Variants in OPCML observed in about 807,000 individuals in gnomAD.
OPCML encodes the protein opioid binding protein/cell adhesion molecule like, also known as opioid-binding protein/cell adhesion molecule.
OPCML carries 13 observed loss-of-function variants against 37.8 expected under a neutral mutation model. The observed-to-expected ratio is 0.34, with a 90% CI of 0.22 to 0.55. The LOEUF (loss-of-function observed/expected upper bound fraction) is 0.55. OPCML is among the 20% of genes least tolerant of loss of function. OPCML has a pLI of 0.91. For synonymous variants in OPCML, 176 were observed against 168.8 expected (o/e 1.04, Z -0.33); for missense variants, 341 against 435.6 (o/e 0.78, Z 1.93).
At chr11:132,945,763 C>A (rs2136685742) in intron 1 of OPCML, among the ~76,000 whole-genome samples, 1 of 149,516 alleles carries the variant, frequency 6.7e-6, no homozygotes, top group Admixed American at 6.7e-5. Flanking sequence ...TATCCTTATT[C>A]TAAGCTTTTT....
At chr11:132,635,355 A>G (rs1940421512) in intron 3 of OPCML, among the ~76,000 whole-genome samples, 1 of 152,200 alleles carries the variant, frequency 6.6e-6, no homozygotes, top group Admixed American at 6.5e-5. Context: ...TGTTCTTGAA[A>G]GAAAACAATA....
At chr11:132,967,299 G>A (rs970315401) in intron 1 of OPCML, among the ~76,000 whole-genome samples, 1 of 151,866 alleles carries the variant, frequency 6.6e-6, no homozygotes, top group South Asian at 2.1e-4. Flanking sequence ...ATAGCTTTAT[G>A]CCCTTTTCCC....
At chr11:133,347,020 A>G (rs1323434166) in intron 1 of OPCML, among the ~76,000 whole-genome samples, 1 of 152,204 alleles carries the variant, frequency 6.6e-6, no homozygotes, top group African/African-American at 2.4e-5. Flanking sequence ...TGGTGTGCAT[A>G]GTGTTTGAAA....
intron 3 of OPCML, among the ~76,000 whole-genome samples, chr11:132,638,087 A>G (rs1940620165): frequency 6.6e-6 from 1 of 151,502 alleles, no homozygotes; most frequent in Non-Finnish European, 1.5e-5. Flanking sequence ...TTTAAGAGGC[A>G]CTACGTGGAG....
intron 1 of OPCML, among the ~76,000 whole-genome samples, chr11:133,153,099 G>A (rs1950010409): frequency 6.6e-6 from 1 of 152,098 alleles, no homozygotes; most frequent in South Asian, 2.1e-4. Flanking sequence ...GAGGAGTTTC[G>A]CTTTGGCATC....
intron 1 of OPCML, among the ~76,000 whole-genome samples, chr11:132,988,369 T>C (rs1946717828): frequency 1.3e-5 from 2 of 152,210 alleles, no homozygotes; most frequent in Non-Finnish European, 2.9e-5. Flanking sequence ...ATGAATAATG[T>C]AGCCCTATAT....
chr11:132,832,259 A>C (rs1411242216), intron 2 of OPCML, among the ~76,000 whole-genome samples: 2 of 150,216 alleles, frequency 1.3e-5, no homozygotes, highest in African/African-American at 4.9e-5. Flanking sequence ...AAAAAAAAAA[A>C]TGATAGTGTA....
intron 2 of OPCML, among the ~76,000 whole-genome samples, chr11:132,811,368 G>A (rs892562403): frequency 2.6e-5 from 4 of 152,222 alleles, no homozygotes; most frequent in African/African-American, 9.6e-5. Context: ...AATCACAGGT[G>A]CAGAAGGGAG....
intron 1 of OPCML, chr11:133,300,989 C>T (rs1352039761): frequency 6.6e-6 from 1 of 152,100 alleles, no homozygotes; most frequent in Non-Finnish European, 1.5e-5. Flanking sequence ...GGACTTCTGG[C>T]CTCTGGAACT....
chr11:132,904,340 T>C (rs1944162178), intron 2 of OPCML, among the ~76,000 whole-genome samples: 1 of 152,162 alleles, frequency 6.6e-6, no homozygotes, highest in African/African-American at 2.4e-5. Flanking sequence ...CTCCAACAAA[T>C]TGTAAAATCA....
intron 3 of OPCML, among the ~76,000 whole-genome samples, chr11:132,637,544 T>C (rs1940584916): frequency 2.0e-5 from 3 of 152,210 alleles, no homozygotes. Context: ...GCCAGCTATC[T>C]TTGATGCTGA....
intron 1 of OPCML, among the ~76,000 whole-genome samples, chr11:133,355,398 G>A (rs979731984): frequency 6.6e-6 from 1 of 151,990 alleles, no homozygotes; most frequent in Non-Finnish European, 1.5e-5. Context: ...TGAGAGCACT[G>A]GGTTGAGAAT....
intron 3 of OPCML, among the ~76,000 whole-genome samples, chr11:132,603,500 A>C (rs1269990095): frequency 6.6e-6 from 1 of 152,170 alleles, no homozygotes; most frequent in African/African-American, 2.4e-5. Context: ...TCAAATCCTT[A>C]TCATCATTTG....
At chr11:133,514,558 AC>A (rs1480536185) in intron 1 of OPCML, among the ~76,000 whole-genome samples, 3 of 152,168 alleles carry the variant, frequency 2.0e-5, no homozygotes, top group African/African-American at 7.2e-5. Context: ...GTTAGAAGTA[AC>A]CTAAAGACTA....
At chr11:132,747,543 C>A (rs1945673533) in intron 2 of OPCML, among the ~76,000 whole-genome samples, 1 of 152,128 alleles carries the variant, frequency 6.6e-6, no homozygotes, top group Non-Finnish European at 1.5e-5. Flanking sequence ...CTTCCAGTAC[C>A]AGCCAACCTT....
At chr11:133,136,294 A>T (rs1359910425) in intron 1 of OPCML, among the ~76,000 whole-genome samples, 1 of 152,208 alleles carries the variant, frequency 6.6e-6, no homozygotes. Flanking sequence ...AAAGCTTTTG[A>T]CTGTGGTGTC....
intron 1 of OPCML, among the ~76,000 whole-genome samples, chr11:133,383,771 G>A (rs1944981101): frequency 1.3e-5 from 2 of 152,112 alleles, no homozygotes; most frequent in South Asian, 2.1e-4. Context: ...TTAGTGTTAA[G>A]CTATAAATAA....
chr11:132,995,405 T>C (rs1338428655), intron 1 of OPCML, among the ~76,000 whole-genome samples: 1 of 152,090 alleles, frequency 6.6e-6, no homozygotes, highest in African/African-American at 2.4e-5. Flanking sequence ...AAAGTTGGAA[T>C]TGGAATTCAA....
intron 2 of OPCML, among the ~76,000 whole-genome samples, chr11:132,762,125 G>T (rs1480321107): frequency 2.0e-5 from 3 of 152,206 alleles, no homozygotes; most frequent in Admixed American, 2.0e-4. Context: ...GTTTCCCTGG[G>T]TATCATCAGC....
Sources: gnomAD v4.1 joint callset for allele counts (sites outside exome capture counted in the v4.1 genomes callset) on GRCh38, gnomAD v4.1.1 for gene constraint, MANE v1.5 for transcripts, NCBI Gene and HGNC (gene_info 2026-07-23, HGNC 2026-07-21) for gene names.